The following HMCN2 variants were observed in gnomAD, a reference collection of about 807,000 sequenced individuals.
HMCN2 encodes the protein hemicentin-2.
HMCN2 carries 325 observed loss-of-function variants against 377.5 expected under a neutral mutation model. The observed-to-expected ratio is 0.86, with a 90% CI of 0.79 to 0.94. The LOEUF is 0.94. Ranked by LOEUF, HMCN2 falls within the 40% of genes least tolerant of loss-of-function variation. The probability of loss-of-function intolerance (pLI) is 0.00; values close to 1 mark genes in which losing one functional copy is unlikely to be tolerated. For missense variants in HMCN2, 4,543 were observed against 4,725.3 expected (o/e 0.96, Z 1.13); for synonymous variants, 2,007 against 2,046.8 (o/e 0.98, Z 0.53).
intron 6 of HMCN2, among the ~76,000 whole-genome samples, chr9:130,295,982 GTTAC>G (rs1367313796): frequency 1.3e-5 from 2 of 152,206 alleles, no homozygotes; most frequent in African/African-American, 4.8e-5. Flanking sequence ...GTGGTTTGGG[GTTAC>G]TTTGGGAACA....
intron 86 of HMCN2, among the ~76,000 whole-genome samples, chr9:130,420,970 A>G (rs1174882603): frequency 2.0e-5 from 3 of 152,166 alleles, no homozygotes; most frequent in African/African-American, 7.2e-5. Context: ...GCCAGATACT[A>G]TAGAAATCTG....
At chr9:130,280,155 T>G (rs1411766665) in intron 1 of HMCN2, among the ~76,000 whole-genome samples, 13 of 150,848 alleles carry the variant, frequency 8.6e-5, no homozygotes, top group South Asian at 2.1e-4. Flanking sequence ...TGTGTGTTTT[T>G]TTTTTTTTTT....
At position 130,325,587 on chromosome 9, in the gene HMCN2, T is replaced by G. The variant is rs1838091453; in HGVS notation, c.2921-8T>G. 6.6e-6 allele frequency: 1 copy of G among 152,268 alleles called. No homozygotes were observed. The highest frequency in any genetic ancestry group is 2.4e-5 in the African/African-American group (1 of 41,462). 9.4% of individuals were successfully genotyped at this position (152,268 alleles called of 1,614,324 possible). A position where few individuals can be genotyped will look rare whatever the true frequency, so the allele number is the denominator to read the frequency against. On this transcript the variant is annotated splice_polypyrimidine_tract_variant and splice_region_variant and intron_variant, in intron 19 of 97. Transcript: ENST00000683500. ...GCCTTGGCTTTGACATTGGTTTATT[T>G]ATAACAGTGCCACCTAGAATCCATC...
Position 130,394,203 on chromosome 9 carries a change from G to T in HMCN2, c.10502-182G>T, listed in dbSNP as rs537755229. 6.6e-4 allele frequency among the ~76,000 whole-genome samples: 100 copies of T among 152,246 alleles called. No homozygotes were observed. Among genetic ancestry groups the T allele is most frequent in the Middle Eastern group, 3.4e-3 (1 of 294 alleles). On this transcript the variant is annotated intron_variant, in intron 68 of 97. Coordinates refer to ENST00000683500, the MANE Select transcript of HMCN2 (RefSeq NM_001291815.2). The surrounding 1 kb of genome is among the most constrained non-coding windows in gnomAD (Gnocchi z 5.1). ...CTTGCCTGCGGGGAGTGGGTGGCCG[G>T]GCTTTGATTCTCCCAGGGCTGTGCT...
chr9:130,312,863 A>G (rs1837344295), intron 15 of HMCN2, among the ~76,000 whole-genome samples: 1 of 151,590 alleles, frequency 6.6e-6, no homozygotes, highest in Admixed American at 6.6e-5. Context: ...ATGGGGTTTC[A>G]CCATGTTGTT....
At chr9:130,312,855 G>A (rs1837343555) in intron 15 of HMCN2, among the ~76,000 whole-genome samples, 2 of 151,684 alleles carry the variant, frequency 1.3e-5, no homozygotes, top group African/African-American at 4.8e-5. Flanking sequence ...TAGTAGAGAT[G>A]GGGTTTCACC....
intron 11 of HMCN2, 21 bp downstream of exon 11, chr9:130,305,023 G>A (rs1554936214): frequency 2.2e-6 from 1 of 461,792 alleles, no homozygotes; most frequent in Admixed American, 2.4e-5. Context: ...TCCTGCTGCT[G>A]CTGTTCCCCT....
rs537445407 is a variant in HMCN2 at position 130,347,825 on chromosome 9, G to A, written c.4024+465G>A. On this transcript the variant is annotated intron_variant, in intron 26 of 97. Transcript: ENST00000683500. The surrounding 1 kb of genome is among the most constrained non-coding windows in gnomAD (Gnocchi z 5.1). Reference sequence around the variant, plus strand: ...GAGCCCAGGAGATCGAGACCAGTTTGGGAGAGAGAGACCCTGTCTCTACAT... The same window carrying A: ...GAGCCCAGGAGATCGAGACCAGTTTAGGAGAGAGAGACCCTGTCTCTACAT... Among the ~76,000 whole-genome samples, 3 of 152,294 alleles carry A rather than the reference G, an allele frequency of 2.0e-5. No individual in the cohort carries two copies. Among genetic ancestry groups the A allele is most frequent in the Non-Finnish European group, 2.9e-5 (2 of 68,018 alleles).
At chr9:130,340,235 T>C (rs2131471739) in intron 23 of HMCN2, among the ~76,000 whole-genome samples, 1 of 152,328 alleles carries the variant, frequency 6.6e-6, no homozygotes, top group South Asian at 2.1e-4. Flanking sequence ...GGGGCAGCGG[T>C]GATGCCCAGC....
rs779874599 is a variant in HMCN2, at chr9:130,395,285, T to C, written c.10849T>C (p.Cys3617Arg). Reference protein sequence around the residue: ...GLAPGQLVLECSVEAEPAPKI... With the variant: ...GLAPGQLVLERSVEAEPAPKI... ...GGCCCCAGGGCAGCTGGTCCTGGAG[T>C]GTTCGGTGGAGGCAGAGCCAGCGCC... Residue 3617 changes from cysteine (C) to arginine (R), a missense_variant, in exon 71 of 98, where the codon TGT (cysteine) becomes CGT (arginine). By Grantham distance (180) the Cys-to-Arg change is radical. Transcript: ENST00000683500. 2 of 1,287,978 alleles carry C rather than the reference T, an allele frequency of 1.6e-6. No homozygotes were observed. Among genetic ancestry groups the C allele is most frequent in the Middle Eastern group, 2.1e-4 (1 of 4,684 alleles). 79.8% of individuals were successfully genotyped at this position (1,287,978 alleles called of 1,614,324 possible). A position where few individuals can be genotyped will look rare whatever the true frequency, so the allele number is the denominator to read the frequency against.
chr9:130,404,938 G>A lies in HMCN2; in HGVS notation c.12218G>A (p.Cys4073Tyr), dbSNP rs961803470. The A allele has an allele frequency of 2.9e-5, 37 of 1,288,760 alleles. No individual in the cohort carries two copies. The highest frequency in any genetic ancestry group is 1.4e-4 in the Admixed American group (6 of 43,458). The allele number at this position is 1,288,760 out of a possible 1,614,324, so 79.8% of individuals were successfully genotyped here. A position where few individuals can be genotyped will look rare whatever the true frequency, so the allele number is the denominator to read the frequency against. Residue 4073 changes from cysteine (C) to tyrosine (Y), a missense_variant, in exon 81 of 98, where the codon TGC (cysteine) becomes TAC (tyrosine). Around this residue, in one of 5 missense-constraint regions of HMCN2, gnomAD observed 1,073 missense variants for 1,319.5 expected, o/e 0.81. Transcript: ENST00000683500. ...GAAGGCTCCCACGCCTTCTTGCCTT[G>A]CAAGGCGAGGGGCAGTCCTGAGCCC... is the stretch of plus-strand genomic sequence containing the variant. ...TTEGSHAFLP[C>Y]KARGSPEPNI...
rs771176282 is a variant in HMCN2, at chr9:130,425,068, C to T, written c.13579C>T (p.Leu4527Phe). ...RGLDPDGLLL[L>F]DVVVNGVVPE... ...TCTGGATCCCGATGGCCTCCTGCTC[C>T]TCGACGTGGTGGTCAATGGCGTTGT... Residue 4527 changes from leucine to phenylalanine, a missense_variant, in exon 89 of 98, where the codon CTC becomes TTC. This residue lies in a region of HMCN2 where 1,155 missense variants were observed against 1,157.7 expected (regional missense o/e 1.00). Transcript: ENST00000683500. 2 of 1,550,254 alleles carry T rather than the reference C, an allele frequency of 1.3e-6. No homozygotes were observed. The highest frequency in any genetic ancestry group is 2.4e-5 in the South Asian group (2 of 84,048).
chr9:130,354,628 C>A, intron 31 of HMCN2, 135 bp from the exon 32 acceptor site: 1 of 752,914 alleles, frequency 1.3e-6, no homozygotes, highest in Non-Finnish European at 1.9e-6. Flanking sequence ...AGGGGTTCAG[C>A]CACTGGAGGT....
At chr9:130,409,063 C>T in intron 84 of HMCN2, 130 bp downstream of exon 84, 5 of 495,900 alleles carry the variant, frequency 1.0e-5, no homozygotes, top group Non-Finnish European at 1.6e-5. Flanking sequence ...CTGCCCATTC[C>T]TCAGATATCC....
In HMCN2 at chr9:130,399,665, G is replaced by A. The variant is rs1160470916; in HGVS notation, c.11605+33G>A. 9 of 1,261,228 alleles carry A rather than the reference G, an allele frequency of 7.1e-6. No individual in the cohort carries two copies. The South Asian group carries it at 1.1e-4, about 16-fold the overall frequency. 78.1% of individuals were successfully genotyped at this position (1,261,228 alleles called of 1,614,324 possible). ...GGGGCAGAGGTGGAGGGGGACACCT[G>A]GGGTGGGGGCAGCGCCTTCCCGCTC... On this transcript the variant is annotated intron_variant, in intron 76 of 97. Transcript: ENST00000683500.
intron 51 of HMCN2, 73 bp downstream of exon 51, chr9:130,376,062 A>G: frequency 1.8e-6 from 1 of 562,430 alleles, no homozygotes; most frequent in Non-Finnish European, 2.3e-6. Context: ...CAGGCACCTG[A>G]GCCACCCTTG....
chr9:130,276,710 G>A (rs1202556486), intron 1 of HMCN2, among the ~76,000 whole-genome samples: 1 of 152,188 alleles, frequency 6.6e-6, no homozygotes, highest in South Asian at 2.1e-4. Flanking sequence ...GTCCCTTGAG[G>A]GTGTCTTTGA....
intron 90 of HMCN2, 86 bp downstream of exon 90, chr9:130,426,010 CT>C: frequency 1.0e-6 from 1 of 968,008 alleles, no homozygotes; most frequent in Non-Finnish European, 1.5e-6. Context: ...GAATCCACCC[CT>C]GCCCCTAACA....
At chr9:130,429,340 TTTCAGCCCC>T (rs1844590701) in intron 93 of HMCN2, 1 of 604,954 alleles carries the variant, frequency 1.7e-6, no homozygotes, top group Non-Finnish European at 2.9e-6. Context: ...ACAAAGGGCC[TTTCAGCCCC>T]TTCCTTTCTC....
Sources: gnomAD v4.1 joint callset for allele counts (sites outside exome capture counted in the v4.1 genomes callset) on GRCh38, gnomAD v4.1.1 for gene constraint, gnomAD v4.1.1 regional missense constraint, Gnocchi (gnomAD v3.1) non-coding constraint, MANE v1.5 for transcripts, NCBI Gene and HGNC (gene_info 2026-07-23, HGNC 2026-07-21) for gene names.